LRRC4C: variants seen among roughly 807,000 people sequenced by gnomAD.
LRRC4C encodes leucine rich repeat containing 4C, also known as leucine-rich repeat-containing protein 4C.
In LRRC4C, 5 loss-of-function variants were observed where a neutral mutation model predicts 33.6. The observed-to-expected ratio is 0.15, with a 90% CI of 0.08 to 0.31. LRRC4C has a LOEUF of 0.31. Among genes scored for constraint, LRRC4C ranks in the 10% least tolerant of loss-of-function variants. The pLI is 1.00. For synonymous variants in LRRC4C, 329 were observed against 302.0 expected (o/e 1.09, Z -0.93); for missense variants, 560 against 796.7 (o/e 0.70, Z 3.58).
At chr11:40,398,109 T>C (rs937084582) in intron 3 of LRRC4C, among the ~76,000 whole-genome samples, 26 of 152,058 alleles carry the variant, frequency 1.7e-4, no homozygotes. Context: ...AATTATAGAT[T>C]ATGAAATGAT....
intron 3 of LRRC4C, among the ~76,000 whole-genome samples, chr11:40,353,416 G>T (rs979311648): frequency 2.0e-5 from 3 of 152,030 alleles, no homozygotes; most frequent in African/African-American, 7.2e-5. Flanking sequence ...ATTTCCGTTT[G>T]ATTTTTAAAA....
chr11:40,629,334 C>A (rs1034804215), intron 3 of LRRC4C, among the ~76,000 whole-genome samples: 6 of 152,168 alleles, frequency 3.9e-5, no homozygotes, highest in African/African-American at 1.4e-4. Context: ...ATCATCACAA[C>A]CATATATTTA....
chr11:41,060,603 C>T (rs1937687911), intron 1 of LRRC4C, among the ~76,000 whole-genome samples: 1 of 152,114 alleles, frequency 6.6e-6, no homozygotes, highest in Non-Finnish European at 1.5e-5. Context: ...TGTATCATAA[C>T]TTCATCTAAC....
intron 4 of LRRC4C, among the ~76,000 whole-genome samples, chr11:40,266,400 G>A (rs796833065): frequency 2.0e-5 from 3 of 152,206 alleles, no homozygotes; most frequent in Admixed American, 6.5e-5. Context: ...CAGGGAGGTC[G>A]AGGCTGCAGT....
intron 2 of LRRC4C, among the ~76,000 whole-genome samples, chr11:40,906,271 G>A (rs1391816666): frequency 2.0e-5 from 3 of 152,254 alleles, no homozygotes; most frequent in African/African-American, 7.2e-5. Flanking sequence ...TGCGCTTTGG[G>A]AGGCCAAGGC....
chr11:41,447,332 A>G (rs993236399), intron 1 of LRRC4C, among the ~76,000 whole-genome samples: 5 of 152,216 alleles, frequency 3.3e-5, no homozygotes, highest in Admixed American at 2.6e-4. Context: ...GAATCAATAC[A>G]TGAAATATGT....
At chr11:40,161,515 A>G (rs1029814793) in intron 5 of LRRC4C, among the ~76,000 whole-genome samples, 3 of 152,188 alleles carry the variant, frequency 2.0e-5, no homozygotes, top group African/African-American at 7.2e-5. Context: ...GCACTTTGGG[A>G]GGCCGAGGCG....
At chr11:40,365,256 A>T (rs562645081) in intron 3 of LRRC4C, among the ~76,000 whole-genome samples, 1 of 152,262 alleles carries the variant, frequency 6.6e-6, no homozygotes, top group South Asian at 2.1e-4. Context: ...TGATTTAAAA[A>T]TGTAGAAGAT....
intron 3 of LRRC4C, among the ~76,000 whole-genome samples, chr11:40,511,381 G>A (rs1325136599): frequency 6.6e-6 from 1 of 152,174 alleles, no homozygotes; most frequent in Non-Finnish European, 1.5e-5. Flanking sequence ...GAAATCAAGA[G>A]CTCAAAGAGA....
intron 2 of LRRC4C, among the ~76,000 whole-genome samples, chr11:40,894,053 A>G (rs1169593556): frequency 6.6e-6 from 1 of 152,144 alleles, no homozygotes; most frequent in Non-Finnish European, 1.5e-5. Context: ...TTTGCCAATT[A>G]TAGCTGGTTC....
chr11:40,996,772 G>A (rs968568156), intron 1 of LRRC4C, among the ~76,000 whole-genome samples: 4 of 152,086 alleles, frequency 2.6e-5, no homozygotes, highest in African/African-American at 9.7e-5. Context: ...GTCAGTGACA[G>A]AGCAAAAGAG....
At chr11:40,191,455 T>G (rs1372785061) in intron 5 of LRRC4C, among the ~76,000 whole-genome samples, 1 of 152,168 alleles carries the variant, frequency 6.6e-6, no homozygotes, top group Non-Finnish European at 1.5e-5. Flanking sequence ...GTGTTAAATT[T>G]CTTGCATGAT....
intron 5 of LRRC4C, among the ~76,000 whole-genome samples, chr11:40,227,756 GA>G (rs1266296040): frequency 3.9e-5 from 6 of 152,224 alleles, no homozygotes; most frequent in Middle Eastern, 3.4e-3. Flanking sequence ...AAGTACCATA[GA>G]AAATCACAGA....
At chr11:40,517,707 A>G (rs916377140) in intron 3 of LRRC4C, among the ~76,000 whole-genome samples, 1 of 151,690 alleles carries the variant, frequency 6.6e-6, no homozygotes, top group African/African-American at 2.4e-5. Flanking sequence ...TGCTATCCCC[A>G]TCAAGCTACC....
At chr11:40,802,619 C>T (rs1476053662) in intron 2 of LRRC4C, among the ~76,000 whole-genome samples, 1 of 152,048 alleles carries the variant, frequency 6.6e-6, no homozygotes, top group Non-Finnish European at 1.5e-5. Flanking sequence ...AAGTCCCTTG[C>T]ATGTATTGAA....
chr11:41,309,628 T>C (rs1479416469), intron 1 of LRRC4C, among the ~76,000 whole-genome samples: 1 of 152,196 alleles, frequency 6.6e-6, no homozygotes, highest in African/African-American at 2.4e-5. Context: ...CTGTGGCAAC[T>C]TCATTGAAAT....
At chr11:40,832,165 C>T (rs1431396948) in intron 2 of LRRC4C, among the ~76,000 whole-genome samples, 2 of 152,042 alleles carry the variant, frequency 1.3e-5, no homozygotes, top group Admixed American at 1.3e-4. Context: ...GGTTACTCTA[C>T]TGCATAGTGT....
At chr11:40,223,796 T>C (rs1447238374) in intron 5 of LRRC4C, among the ~76,000 whole-genome samples, 2 of 152,210 alleles carry the variant, frequency 1.3e-5, no homozygotes, top group African/African-American at 4.8e-5. Flanking sequence ...CTTTGCCTCC[T>C]TTCCAAGACC....
chr11:40,134,362 T>C (rs901268677), intron 6 of LRRC4C, among the ~76,000 whole-genome samples: 2 of 152,178 alleles, frequency 1.3e-5, no homozygotes, highest in Non-Finnish European at 2.9e-5. Flanking sequence ...AACACCAGAA[T>C]ATACAAAATA....
Sources: gnomAD v4.1 joint callset for allele counts (sites outside exome capture counted in the v4.1 genomes callset) on GRCh38, gnomAD v4.1.1 for gene constraint, MANE v1.5 for transcripts, NCBI Gene and HGNC (gene_info 2026-07-23, HGNC 2026-07-21) for gene names.